SLC49A4: variants seen among roughly 807,000 people sequenced by gnomAD.
SLC49A4 encodes the protein disrupted in renal cancer protein 2.
In SLC49A4, 36 loss-of-function variants were observed where a neutral mutation model predicts 50.6. That is an observed-to-expected ratio of 0.71 (90% CI 0.55 to 0.94). The LOEUF is 0.94. SLC49A4 is among the 40% of genes least tolerant of loss of function. SLC49A4 has a pLI of 0.00. For synonymous variants in SLC49A4, 248 were observed against 241.2 expected, an observed-to-expected ratio of 1.03 and a Z score of -0.26; for missense variants, 503 against 605.7, an observed-to-expected ratio of 0.83 and a Z score of 1.78.
intron 8 of SLC49A4, among the ~76,000 whole-genome samples, chr3:122,874,758 C>T (rs1033754776): frequency 5.9e-5 from 9 of 152,094 alleles, no homozygotes; most frequent in African/African-American, 2.2e-4. Flanking sequence ...TTTTAATCCA[C>T]CAAGGTGGTT....
intron 1 of SLC49A4, among the ~76,000 whole-genome samples, chr3:122,800,293 A>C (rs925583675): frequency 6.6e-6 from 1 of 152,224 alleles, no homozygotes; most frequent in Admixed American, 6.5e-5. Flanking sequence ...AGAATAGAGC[A>C]CTGGATTTAG....
At chr3:122,847,741 ATAAAAT>A (rs1431201343) in intron 5 of SLC49A4, among the ~76,000 whole-genome samples, 1 of 152,180 alleles carries the variant, frequency 6.6e-6, no homozygotes, top group Non-Finnish European at 1.5e-5. Context: ...ATATAGATAC[ATAAAAT>A]TAAAAAAATT....
chr3:122,837,787 G>A (rs940128968), intron 4 of SLC49A4, among the ~76,000 whole-genome samples: 3 of 151,578 alleles, frequency 2.0e-5, no homozygotes, highest in Admixed American at 6.6e-5. Flanking sequence ...CTACAGAATG[G>A]GAGAAAATTT....
chr3:122,833,657 T>C (rs1490483263), intron 4 of SLC49A4, among the ~76,000 whole-genome samples: 1 of 152,162 alleles, frequency 6.6e-6, no homozygotes, highest in Admixed American at 6.5e-5. Context: ...ATTTTTGCCT[T>C]CTCTACATAT....
intron 7 of SLC49A4, among the ~76,000 whole-genome samples, chr3:122,870,028 C>T (rs1032745009): frequency 1.3e-5 from 2 of 152,066 alleles, no homozygotes; most frequent in African/African-American, 4.8e-5. Context: ...ATTATTTTAT[C>T]ACATAGAATT....
At chr3:122,844,377 C>CT (rs1560221384) in intron 4 of SLC49A4, among the ~76,000 whole-genome samples, 2 of 152,050 alleles carry the variant, frequency 1.3e-5, no homozygotes, top group African/African-American at 4.8e-5. Flanking sequence ...CTGGCCAGAG[C>CT]TTTTTTTAAA....
chr3:122,801,621 A>G (rs987629883), intron 1 of SLC49A4, among the ~76,000 whole-genome samples: 1 of 152,176 alleles, frequency 6.6e-6, no homozygotes, highest in African/African-American at 2.4e-5. Context: ...AGATTATGAC[A>G]TGGATGTAGT....
At chr3:122,851,392 T>C (rs1327338459) in intron 5 of SLC49A4, among the ~76,000 whole-genome samples, 2 of 152,146 alleles carry the variant, frequency 1.3e-5, no homozygotes, top group East Asian at 3.8e-4. Context: ...ATGTCTTCAT[T>C]TTATCTTCAT....
At chr3:122,875,931 T>C (rs77937427) in intron 8 of SLC49A4, among the ~76,000 whole-genome samples, 2,349 of 152,310 alleles carry the variant, frequency 0.015, 72 homozygotes, top group African/African-American at 0.054. Flanking sequence ...CCAATGCCAC[T>C]GGCTTATTTG....
At chr3:122,851,400 C>T (rs1031627654) in intron 5 of SLC49A4, among the ~76,000 whole-genome samples, 1 of 151,946 alleles carries the variant, frequency 6.6e-6, no homozygotes, top group Non-Finnish European at 1.5e-5. Flanking sequence ...ATTTTATCTT[C>T]ATTTTTAGAG....
intron 1 of SLC49A4, among the ~76,000 whole-genome samples, chr3:122,803,821 A>G (rs1415045376): frequency 1.3e-5 from 2 of 152,224 alleles, no homozygotes; most frequent in Non-Finnish European, 1.5e-5. Flanking sequence ...GAGTTATCAC[A>G]TCTGTTGAAA....
At chr3:122,875,191 A>G (rs1358517217) in intron 8 of SLC49A4, among the ~76,000 whole-genome samples, 1 of 152,192 alleles carries the variant, frequency 6.6e-6, no homozygotes, top group Non-Finnish European at 1.5e-5. Context: ...TGTTAGTTCC[A>G]CAGCCTAGTA....
chr3:122,806,984 T>C, intron 2 of SLC49A4, 34 bp downstream of exon 2: 1 of 1,296,046 alleles, frequency 7.7e-7, no homozygotes, highest in Non-Finnish European at 1.1e-6. Context: ...TCCCCCATTT[T>C]TCATTTTATT....
At chr3:122,813,971 ATTT>A (rs1936332078) in intron 2 of SLC49A4, among the ~76,000 whole-genome samples, 1 of 152,184 alleles carries the variant, frequency 6.6e-6, no homozygotes, top group Non-Finnish European at 1.5e-5. Flanking sequence ...ACATTGCTTT[ATTT>A]CCCAAGCATA....
At chr3:122,836,016 A>C (rs1936679317) in intron 4 of SLC49A4, among the ~76,000 whole-genome samples, 1 of 152,200 alleles carries the variant, frequency 6.6e-6, no homozygotes, top group Admixed American at 6.6e-5. Context: ...AGCTGCAAAA[A>C]AATTAAAATA....
intron 7 of SLC49A4, among the ~76,000 whole-genome samples, chr3:122,867,467 C>T (rs994670974): frequency 6.6e-6 from 1 of 152,128 alleles, no homozygotes; most frequent in African/African-American, 2.4e-5. Context: ...CTGTAAAATA[C>T]CTGCCTCAAA....
intron 3 of SLC49A4, among the ~76,000 whole-genome samples, chr3:122,830,238 T>A (rs181593661): frequency 8.7e-4 from 133 of 152,332 alleles, no homozygotes; most frequent in Non-Finnish European, 8.1e-4. Context: ...TGTGAAGATA[T>A]CCCCAAGTTT....
At chr3:122,795,657 GTGT>G in intron 1 of SLC49A4, 122 bp downstream of exon 1, 1 of 1,428,924 alleles carries the variant, frequency 7.0e-7, no homozygotes, top group South Asian at 1.5e-5. Flanking sequence ...AGGTGATAGA[GTGT>G]TGCTAGCATT....
chr3:122,879,015 T>A (rs1052513193), intron 8 of SLC49A4, among the ~76,000 whole-genome samples: 1 of 152,122 alleles, frequency 6.6e-6, no homozygotes, highest in Admixed American at 6.6e-5. Flanking sequence ...AAAGTCAAGG[T>A]GGATTAAATT....
Sources: allele counts gnomAD v4.1 joint callset (sites outside exome capture counted in the v4.1 genomes callset), GRCh38; gene constraint gnomAD v4.1.1; transcripts MANE v1.5; gene names NCBI Gene and HGNC (gene_info 2026-07-23, HGNC 2026-07-21).